MAP2K5: variants seen among roughly 807,000 people sequenced by gnomAD.
MAP2K5 encodes mitogen-activated protein kinase kinase 5, also known as dual specificity mitogen-activated protein kinase kinase 5.
A neutral mutation model predicts 83.1 loss-of-function variants in MAP2K5; 49 were observed. That is an observed-to-expected ratio of 0.59 (90% confidence interval 0.47 to 0.75). The LOEUF is 0.75. MAP2K5 is among the 30% of genes least tolerant of loss of function. The pLI, the probability that MAP2K5 is intolerant of heterozygous loss-of-function variation, is 0.00. For missense variants in MAP2K5, 457 were observed against 557.5 expected (o/e 0.82, Z 1.82); for synonymous variants, 202 against 191.8 (o/e 1.05, Z -0.44).
Position 67,552,261 on chromosome 15 carries a change from C to T in MAP2K5, c.184+2179C>T, listed in dbSNP as rs151046977. Among the ~76,000 whole-genome samples, 109 of 152,310 alleles carry T rather than the reference C, an allele frequency of 7.2e-4. No individual in the cohort carries two copies. The highest frequency in any genetic ancestry group is 2.6e-3 in the African/African-American group (108 of 41,566). ...AAAAATAGTACATCTGTCTGAAATA[C>T]ATACTAGTGTTGCAAGCTTTATTCA... On this transcript the variant is annotated intron_variant, in intron 2 of 21. Transcript: ENST00000178640. This position sits in a 1 kb window ranked among gnomAD's most constrained non-coding sequence, Gnocchi z 4.2.
rs1390931876 is a variant in MAP2K5 at position 67,770,002 on chromosome 15, T to C, written c.1196+339T>C. ...CTACTGAACGGACGTACGAAGCTTA[T>C]TTTTATTAATGTAACCTCAAGTTAC... On this transcript the variant is annotated intron_variant, in intron 20 of 21. Coordinates refer to ENST00000178640, the MANE Select transcript of MAP2K5 (RefSeq NM_145160.3). The surrounding 1 kb of genome is among the most constrained non-coding windows in gnomAD (Gnocchi z 5.0). 5.5e-6 allele frequency: 1 copy of C among 181,890 alleles called. No individual in the cohort carries two copies. Among genetic ancestry groups the C allele is most frequent in the African/African-American group, 2.4e-5 (1 of 42,320 alleles). 11.3% of individuals were successfully genotyped at this position (181,890 alleles called of 1,614,324 possible).
Position 67,637,178 on chromosome 15 carries a change from G to T in MAP2K5, c.585+6251G>T, listed in dbSNP as rs1257088882. Among the ~76,000 whole-genome samples the T allele has an allele frequency of 6.6e-6, 1 of 152,134 alleles. No individual in the cohort carries two copies. The highest frequency in any genetic ancestry group is 1.5e-5 in the Non-Finnish European group (1 of 68,026). On this transcript the variant is annotated intron_variant, in intron 9 of 21. Transcript: ENST00000178640. The surrounding 1 kb of genome is among the most constrained non-coding windows in gnomAD (Gnocchi z 4.5). Reference sequence around the variant, plus strand: ...TTTTCAGACTTGGACTGGCTTCCTTGCTCCTCAGCTTGCAGATGGCCTATT... The same window carrying T: ...TTTTCAGACTTGGACTGGCTTCCTTTCTCCTCAGCTTGCAGATGGCCTATT...
At chr15:67,623,332 G>A (rs1457079725) in intron 8 of MAP2K5, among the ~76,000 whole-genome samples, 5 of 152,128 alleles carry the variant, frequency 3.3e-5, no homozygotes, top group Admixed American at 3.3e-4. Context: ...TCTAGAAGTT[G>A]GAACATGGTA....
chr15:67,568,170 C>T (rs2084880185), intron 3 of MAP2K5, among the ~76,000 whole-genome samples: 1 of 152,102 alleles, frequency 6.6e-6, no homozygotes, highest in South Asian at 2.1e-4. Flanking sequence ...GTATGGCATA[C>T]ATTTTACTGT....
At chr15:67,634,367 CAAAAA>C (rs71142390) in intron 9 of MAP2K5, among the ~76,000 whole-genome samples, 1 of 48,582 alleles carries the variant, frequency 2.1e-5, no homozygotes, top group African/African-American at 7.1e-5. Flanking sequence ...GACCTCATCT[CAAAAA>C]AAAAAAAAAA....
intron 4 of MAP2K5, among the ~76,000 whole-genome samples, chr15:67,582,055 A>ATTTT (rs1233297576): frequency 2.4e-4 from 33 of 134,894 alleles, no homozygotes; most frequent in South Asian, 4.7e-4. Context: ...GATGTAGATG[A>ATTTT]TTTCTTTTTT....
intron 13 of MAP2K5, among the ~76,000 whole-genome samples, chr15:67,687,944 A>G (rs1157201445): frequency 6.6e-6 from 1 of 152,068 alleles, no homozygotes; most frequent in African/African-American, 2.4e-5. Flanking sequence ...GGTAAATGTT[A>G]AGAAGAACAC....
At chr15:67,641,531 G>A (rs1426206992) in intron 9 of MAP2K5, 21 of 998,232 alleles carry the variant, frequency 2.1e-5, no homozygotes, top group Non-Finnish European at 2.5e-5. Context: ...TATTTTAATA[G>A]CCTCACACTA....
intron 13 of MAP2K5, among the ~76,000 whole-genome samples, chr15:67,686,642 T>TAATAATAATAATAAC (rs869154734): frequency 6.4e-5 from 8 of 124,946 alleles, no homozygotes; most frequent in African/African-American, 2.4e-4. Context: ...ATAATAATAA[T>TAATAATAATAATAAC]AACATGTTGT....
intron 8 of MAP2K5, among the ~76,000 whole-genome samples, chr15:67,611,965 G>A (rs990298346): frequency 2.0e-5 from 3 of 151,914 alleles, no homozygotes; most frequent in Non-Finnish European, 2.9e-5. Flanking sequence ...TCCTTGGAAC[G>A]TGTAATCTCT....
In MAP2K5 at chr15:67,587,509, T is replaced by C. The variant is rs2085314354; in HGVS notation, c.431+596T>C. The stretch of plus-strand genomic sequence containing the variant: ...CCTCCTTTAATGTTTGACTTCCTAC[T>C]CCTTGCCAAATGGTCATCAAATCTC... On this transcript the variant is annotated intron_variant, in intron 6 of 21. Transcript: ENST00000178640. The surrounding 1 kb of genome is among the most constrained non-coding windows in gnomAD (Gnocchi z 4.8). Among the ~76,000 whole-genome samples the C allele has an allele frequency of 2.0e-5, 3 of 152,260 alleles. No homozygotes were observed. Among genetic ancestry groups the C allele is most frequent in the African/African-American group, 7.2e-5 (3 of 41,546 alleles).
rs1243840607 is a variant in MAP2K5 at position 67,577,675 on chromosome 15, T to TA, written c.253-3078dup. ...AGAGAATCCCTTTAAAGGAAGAGTATATAGAAATGACACTAATAGATCCAG... is the reference window on the plus strand; with the variant it reads ...AGAGAATCCCTTTAAAGGAAGAGTATAATAGAAATGACACTAATAGATCCAG... On this transcript the variant is annotated intron_variant, in intron 3 of 21. Transcript: ENST00000178640. This position sits in a 1 kb window ranked among gnomAD's most constrained non-coding sequence, Gnocchi z 4.1. Among the ~76,000 whole-genome samples the TA allele has an allele frequency of 2.6e-5, 4 of 152,132 alleles. No individual in the cohort carries two copies. Among genetic ancestry groups the TA allele is most frequent in the Admixed American group, 1.3e-4 (2 of 15,266 alleles).
chr15:67,592,901 A>C (rs1176266093), intron 6 of MAP2K5, 25 bp from the exon 7 acceptor site: 1 of 1,580,182 alleles, frequency 6.3e-7, no homozygotes, highest in East Asian at 2.2e-5. Context: ...TGATCTTGCC[A>C]CTAAAAATTA....
In MAP2K5 at chr15:67,600,699, C is replaced by T. The variant is rs1302240995; in HGVS notation, c.495C>T (p.Asp165=). 6.2e-7 allele frequency: 1 copy of T among 1,609,696 alleles called. No homozygotes were observed. Among genetic ancestry groups the T allele is most frequent in the Non-Finnish European group, 8.5e-7 (1 of 1,178,590 alleles). The stretch of plus-strand genomic sequence containing the variant: ...TTCTTGTGGAGATGAATGAACAAGA[C>T]ATACGATATCGGGACACTCTTGGTC... The part of the protein sequence containing the change: ...ILANGQMNEQ[D]IRYRDTLGHG... Residue 165 remains aspartate, a synonymous_variant, in exon 8 of 22, where the codon GAC becomes GAT. Transcript: ENST00000178640.
rs1397732141 is a variant in MAP2K5, at chr15:67,577,331, A to G, written c.253-3423A>G. ...GTCTTCCTGAAGGCTACACAAGTTAATGAGTGGCAGACTTAGAATTCAACC... is the reference window on the plus strand; with the variant it reads ...GTCTTCCTGAAGGCTACACAAGTTAGTGAGTGGCAGACTTAGAATTCAACC... On this transcript the variant is annotated intron_variant, in intron 3 of 21. Coordinates refer to ENST00000178640, the MANE Select transcript of MAP2K5 (RefSeq NM_145160.3). The surrounding 1 kb of genome is among the most constrained non-coding windows in gnomAD (Gnocchi z 4.1). 3.9e-5 allele frequency among the ~76,000 whole-genome samples: 6 copies of G among 152,332 alleles called. No homozygotes were observed. Among genetic ancestry groups the G allele is most frequent in the African/African-American group, 1.4e-4 (6 of 41,580 alleles).
chr15:67,686,251 A>T (rs1206958401), intron 13 of MAP2K5, among the ~76,000 whole-genome samples: 1 of 152,134 alleles, frequency 6.6e-6, no homozygotes, highest in Non-Finnish European at 1.5e-5. Flanking sequence ...TTTGCAGGAC[A>T]CCTATTTCAA....
At chr15:67,740,352 T>C (rs2089465551) in intron 17 of MAP2K5, among the ~76,000 whole-genome samples, 1 of 152,236 alleles carries the variant, frequency 6.6e-6, no homozygotes, top group African/African-American at 2.4e-5. Context: ...TCAATTGTTT[T>C]GGCCCCTTTC....
rs544195833 is a variant in MAP2K5 at position 67,550,711 on chromosome 15, G to A, written c.184+629G>A. Among the ~76,000 whole-genome samples, 7 of 152,070 alleles carry A rather than the reference G, an allele frequency of 4.6e-5. No individual in the cohort carries two copies. In the South Asian group the frequency reaches 1.5e-3, roughly 32 times the overall value. On this transcript the variant is annotated intron_variant, in intron 2 of 21. Coordinates refer to ENST00000178640, the MANE Select transcript of MAP2K5 (RefSeq NM_145160.3). ...TAAGGGCCCGGATGCTGAGAGGGAT[G>A]AAGTAAGAACTGTAGTTTTTTTTTT...
At chr15:67,600,773 C>A (rs1448493205) in intron 8 of MAP2K5, 24 bp downstream of exon 8, 2 of 1,569,710 alleles carry the variant, frequency 1.3e-6, no homozygotes, top group African/African-American at 2.8e-5. Context: ...TTTGTTTAAA[C>A]TTTCTATCCG....
Sources: allele counts gnomAD v4.1 joint callset (sites outside exome capture counted in the v4.1 genomes callset), GRCh38; gene constraint gnomAD v4.1.1; non-coding constraint Gnocchi (gnomAD v3.1); transcripts MANE v1.5; gene names NCBI Gene and HGNC (gene_info 2026-07-23, HGNC 2026-07-21).